SAP30BP: variants seen among roughly 807,000 people sequenced by gnomAD.
SAP30BP encodes the protein SAP30-binding protein.
A neutral mutation model predicts 46.3 loss-of-function variants in SAP30BP; 31 were observed. The observed-to-expected ratio is 0.67, with a 90% CI of 0.50 to 0.90. The LOEUF is 0.90. Among genes scored for constraint, SAP30BP ranks in the 40% least tolerant of loss-of-function variants. The probability of loss-of-function intolerance (pLI) is 0.00; values close to 1 mark genes in which losing one functional copy is unlikely to be tolerated. For synonymous variants in SAP30BP, 169 were observed against 144.2 expected (o/e 1.17, Z -1.23); for missense variants, 312 against 391.0 (o/e 0.80, Z 1.70).
chr17:75,693,443 A>G lies in SAP30BP; in HGVS notation c.268A>G (p.Asn90Asp). The G allele has an allele frequency of 1.9e-6, 3 of 1,613,970 alleles. No individual in the cohort carries two copies. The highest frequency in any genetic ancestry group is 1.7e-6 in the Non-Finnish European group (2 of 1,179,880). Reference protein sequence around the residue: ...EKPEADDPKDNTEAEKRDPQE... With the variant: ...EKPEADDPKDDTEAEKRDPQE... ...CGTATTTGTTTGTCTTTTGCAGGAT[A>G]ATACAGAAGCAGAAAAGCGAGACCC... The change falls in exon 4 of 11, where the codon AAT becomes GAT. Residue 90 changes from asparagine (N) to aspartate (D), a missense_variant. Physicochemically the swap from Asn to Asp is conservative, Grantham distance 23. Around this residue, in one of 2 missense-constraint regions of SAP30BP, gnomAD observed 296 missense variants for 346.6 expected, o/e 0.85. Transcript: ENST00000584667.
intron 3 of SAP30BP, among the ~76,000 whole-genome samples, chr17:75,675,299 TG>T (rs2148376010): frequency 6.6e-6 from 1 of 152,166 alleles, no homozygotes; most frequent in East Asian, 1.9e-4. Flanking sequence ...TACAGGCACA[TG>T]CCATGTCGCC....
At chr17:75,674,690 GTTTTTTGTTTTTTTTTTTTTT>G (rs2059959346) in intron 3 of SAP30BP, among the ~76,000 whole-genome samples, 1 of 39,578 alleles carries the variant, frequency 2.5e-5, no homozygotes, top group African/African-American at 6.6e-5. Flanking sequence ...TTTTTTGTTT[GTTTTTTGTTTTTTTTTTTTTT>G]TTTTTTTTTT....
At chr17:75,702,449 AC>A (rs759183329) in intron 5 of SAP30BP, 30 bp from the exon 6 acceptor site, 63 of 1,033,102 alleles carry the variant, frequency 6.1e-5, no homozygotes, top group South Asian at 1.2e-4. Context: ...TCTGTCATAC[AC>A]CCCCCCACCC....
rs78033445 is a variant in SAP30BP, at chr17:75,691,818, G to T, written c.265-1622G>T. The stretch of plus-strand genomic sequence containing the variant: ...GAAAGCTGTTCTCTAGAGGGAAAAT[G>T]TGAGGGCATTTTACAGTCCCATGTA... On this transcript the variant is annotated intron_variant, in intron 3 of 10. Coordinates refer to ENST00000584667, the MANE Select transcript of SAP30BP (RefSeq NM_013260.8). The T allele has an allele frequency of 4.1e-3, 1,063 of 258,946 alleles. 8 individuals carry two copies. The highest frequency in any genetic ancestry group is 6.2e-3 in the Admixed American group (123 of 19,850). The allele number at this position is 258,946 out of a possible 1,614,324, so 16.0% of individuals were successfully genotyped here. A position where few individuals can be genotyped will look rare whatever the true frequency, so the allele number is the denominator to read the frequency against.
intron 9 of SAP30BP, 44 bp downstream of exon 9, chr17:75,704,858 G>A (rs1470219586): frequency 2.0e-6 from 3 of 1,482,734 alleles, no homozygotes; most frequent in Admixed American, 1.7e-5. Context: ...CACATGTGGA[G>A]TGCATGGGTC....
rs1555725258 is a variant in SAP30BP at position 75,703,381 on chromosome 17, G to T, written c.549+10G>T. 1 of 1,613,106 alleles carries T rather than the reference G, an allele frequency of 6.2e-7. No individual in the cohort carries two copies. Among genetic ancestry groups the T allele is most frequent in the Non-Finnish European group, 8.5e-7 (1 of 1,179,480 alleles). On this transcript the variant is annotated intron_variant, in intron 7 of 10. Coordinates refer to ENST00000584667, the MANE Select transcript of SAP30BP (RefSeq NM_013260.8). The stretch of plus-strand genomic sequence containing the variant: ...CACCAACTACCCAAAGGTGCGTCTG[G>T]CACACGGGGCTGGAGGGTGATGGGG...
chr17:75,695,943 G>A (rs2060310939), intron 4 of SAP30BP, among the ~76,000 whole-genome samples: 1 of 152,172 alleles, frequency 6.6e-6, no homozygotes, highest in East Asian at 1.9e-4. Context: ...AGGAGCTGGA[G>A]ATACTCCACC....
At chr17:75,703,760 G>A (rs748348006) in intron 7 of SAP30BP, 48 bp from the exon 8 acceptor site, 19 of 1,542,306 alleles carry the variant, frequency 1.2e-5, no homozygotes, top group Non-Finnish European at 1.7e-5. Context: ...CAGGAACTTG[G>A]GTTTCTGAGT....
Position 75,706,402 on chromosome 17 carries a change from A to C in SAP30BP, c.808A>C (p.Thr270Pro), listed in dbSNP as rs1188707300. The change falls in exon 11 of 11, where the codon ACC (threonine) becomes CCC (proline). Residue 270 changes from threonine to proline, a missense_variant. Coordinates refer to ENST00000584667, the MANE Select transcript of SAP30BP (RefSeq NM_013260.8). This position sits in a 1 kb window ranked among gnomAD's most constrained non-coding sequence, Gnocchi z 4.6. ...AIPVTTIAQP[T>P]ILTTTATLPA... ...CCCAGTGACAACGATAGCCCAGCCC[A>C]CCATCCTCACCACCACAGCCACCCT... 6.2e-7 allele frequency: 1 copy of C among 1,613,944 alleles called. No individual in the cohort carries two copies. Among genetic ancestry groups the C allele is most frequent in the Admixed American group, 1.7e-5 (1 of 59,988 alleles).
At chr17:75,701,299 C>G (rs1322681187) in intron 5 of SAP30BP, among the ~76,000 whole-genome samples, 1 of 152,178 alleles carries the variant, frequency 6.6e-6, no homozygotes, top group East Asian at 1.9e-4. Context: ...AGATCTTGCC[C>G]TGGGCCAGTG....
chr17:75,676,692 A>G (rs549790751), intron 3 of SAP30BP, among the ~76,000 whole-genome samples: 2 of 152,254 alleles, frequency 1.3e-5, no homozygotes, highest in Admixed American at 6.5e-5. Context: ...CCGTGGCTTC[A>G]GTAACCTGAG....
intron 9 of SAP30BP, chr17:75,705,749 C>A: frequency 1.2e-6 from 1 of 836,376 alleles, no homozygotes; most frequent in Non-Finnish European, 1.6e-6. Flanking sequence ...GGGCGGTGGG[C>A]GGGGGGTGCC....
At chr17:75,704,956 GCCTGTGTGCTGAGCAGAC>G in intron 9 of SAP30BP, 142 bp downstream of exon 9, 1 of 703,474 alleles carries the variant, frequency 1.4e-6, no homozygotes, top group Non-Finnish European at 2.6e-6. Flanking sequence ...TCTCAGCAGG[GCCTGTGTGCTGAGCAGAC>G]CTGCTGGGTT....
chr17:75,680,272 G>A (rs2060056630), intron 3 of SAP30BP, among the ~76,000 whole-genome samples: 1 of 152,206 alleles, frequency 6.6e-6, no homozygotes, highest in Admixed American at 6.5e-5. Flanking sequence ...GCATCAGGTG[G>A]GGGTTGGGGG....
intron 3 of SAP30BP, among the ~76,000 whole-genome samples, chr17:75,689,346 G>A (rs1313494489): frequency 1.3e-5 from 2 of 151,954 alleles, no homozygotes. Context: ...CAAACTCCTG[G>A]CCTCAAGTGA....
chr17:75,670,546 T>A (rs573320240), intron 2 of SAP30BP, among the ~76,000 whole-genome samples: 1 of 152,330 alleles, frequency 6.6e-6, no homozygotes, highest in East Asian at 1.9e-4. Flanking sequence ...GCATAATGTG[T>A]TTTTGAAGTG....
chr17:75,703,096 A>G, intron 6 of SAP30BP: 1 of 574,490 alleles, frequency 1.7e-6, no homozygotes. Context: ...GTGAGACAAA[A>G]CTCAGCCGTC....
intron 9 of SAP30BP, chr17:75,705,696 G>A: frequency 8.6e-7 from 1 of 1,158,508 alleles, no homozygotes; most frequent in Non-Finnish European, 1.1e-6. Context: ...TCCTGGGTGT[G>A]AGGAGGAGGG....
rs1481458684 is a variant in SAP30BP at position 75,674,690 on chromosome 17, GTTTTTTGTTTTTT to G, written c.264+2834_264+2846del. On this transcript the variant is annotated intron_variant, in intron 3 of 10. Transcript: ENST00000584667. Reference sequence around the variant, plus strand: ...TTAAGCATATGAAGTTTTTTTGTTTGTTTTTTGTTTTTTTTTTTTTTTTTTTTTTTTTTTTGAG... The same window carrying G: ...TTAAGCATATGAAGTTTTTTTGTTTGTTTTTTTTTTTTTTTTTTTTTTGAG... Among the ~76,000 whole-genome samples, 50 of 39,580 alleles carry G rather than the reference GTTTTTTGTTTTTT, an allele frequency of 1.3e-3. 1 individual carries two copies. The highest frequency in any genetic ancestry group is 3.0e-3 in the African/African-American group (45 of 15,108). The allele number at this position is 39,580 out of a possible 152,430, so 26.0% of individuals were successfully genotyped here.
Sources: gnomAD v4.1 joint callset for allele counts (sites outside exome capture counted in the v4.1 genomes callset) on GRCh38, gnomAD v4.1.1 for gene constraint, gnomAD v4.1.1 regional missense constraint, Gnocchi (gnomAD v3.1) non-coding constraint, MANE v1.5 for transcripts, NCBI Gene and HGNC (gene_info 2026-07-23, HGNC 2026-07-21) for gene names.